The following STIM1 variants were observed in gnomAD, a reference collection of about 807,000 sequenced individuals.
The protein encoded by STIM1 is stromal interaction molecule 1.
A neutral mutation model predicts 74.7 loss-of-function variants in STIM1; 25 were observed. The ratio of observed to expected loss-of-function variants is 0.33; its 90% CI spans 0.24 to 0.47. The LOEUF (loss-of-function observed/expected upper bound fraction) is 0.47. STIM1 is among the 20% of genes least tolerant of loss of function. The pLI is 1.00. For synonymous variants in STIM1, 328 were observed against 348.8 expected (o/e 0.94, Z 0.66); for missense variants, 728 against 920.8 (o/e 0.79, Z 2.71).
In STIM1 at chr11:3,921,808, G is replaced by C. The variant is rs1169931510; in HGVS notation, c.140-45744G>C. The stretch of plus-strand genomic sequence containing the variant: ...TGTCTCTTAAATTATTCACTCTGCG[G>C]AAGTCCCATCAATATATTGTGAGGA... On this transcript the variant is annotated intron_variant, in intron 1 of 12. Coordinates refer to ENST00000526596, the MANE Select transcript of STIM1 (RefSeq NM_001382567.1). 3 of 152,086 alleles carry C rather than the reference G, an allele frequency of 2.0e-5. No homozygotes were observed. In the East Asian group the frequency reaches 5.8e-4, roughly 29 times the overall value. The allele number at this position is 152,086 out of a possible 1,614,324, so 9.4% of individuals were successfully genotyped here.
At chr11:4,074,875 A>G (rs1365500683) in intron 7 of STIM1, among the ~76,000 whole-genome samples, 196 bp downstream of exon 7, 1 of 152,258 alleles carries the variant, frequency 6.6e-6, no homozygotes, top group African/African-American at 2.4e-5. Flanking sequence ...ACAGTGGTTC[A>G]TGCCTGTAAT....
rs1157096857 is a variant in STIM1, at chr11:4,018,458, C to CAAAAAAA, written c.271-5393_271-5387dup. The stretch of plus-strand genomic sequence containing the variant: ...TGGGCGACAGAGCGAGACTCCGTCT[C>CAAAAAAA]AAAAAAAAAAAAAAAAAAAAAAAAA... On this transcript the variant is annotated intron_variant, in intron 2 of 12. Coordinates refer to ENST00000526596, the MANE Select transcript of STIM1 (RefSeq NM_001382567.1). 3.4e-4 allele frequency among the ~76,000 whole-genome samples: 7 copies of CAAAAAAA among 20,548 alleles called. 1 individual carries two copies. Among genetic ancestry groups the CAAAAAAA allele is most frequent in the Admixed American group, 9.4e-4 (1 of 1,066 alleles). The allele number at this position is 20,548 out of a possible 152,430, so 13.5% of individuals were successfully genotyped here. A position where few individuals can be genotyped will look rare whatever the true frequency, so the allele number is the denominator to read the frequency against.
chr11:4,077,551 T>G (rs2094443903), intron 7 of STIM1, among the ~76,000 whole-genome samples: 1 of 152,180 alleles, frequency 6.6e-6, no homozygotes, highest in Admixed American at 6.5e-5. Context: ...TTGACACATA[T>G]AGAACACTTT....
At chr11:4,032,464 C>A (rs980865314) in intron 3 of STIM1, among the ~76,000 whole-genome samples, 2 of 152,180 alleles carry the variant, frequency 1.3e-5, no homozygotes, top group African/African-American at 2.4e-5. Context: ...TTCTTTCAAT[C>A]AGGTAGTGTT....
intron 2 of STIM1, among the ~76,000 whole-genome samples, chr11:3,984,663 A>G (rs954104252): frequency 6.6e-6 from 1 of 152,240 alleles, no homozygotes; most frequent in Non-Finnish European, 1.5e-5. Context: ...AGAATAAACT[A>G]TTTGGACTTT....
At chr11:3,869,231 A>G (rs969369658) in intron 1 of STIM1, among the ~76,000 whole-genome samples, 3 of 152,204 alleles carry the variant, frequency 2.0e-5, no homozygotes, top group African/African-American at 7.2e-5. Context: ...CACTTCCCAA[A>G]GTGCTAGGTT....
At chr11:4,089,529 A>G (rs1034654884) in intron 12 of STIM1, among the ~76,000 whole-genome samples, 1 of 152,266 alleles carries the variant, frequency 6.6e-6, no homozygotes. Flanking sequence ...TGTCAGATAT[A>G]TGAAACCAAA....
At chr11:4,086,429 C>T (rs2094493369) in intron 11 of STIM1, 48 bp from the exon 12 acceptor site, 2 of 1,606,232 alleles carry the variant, frequency 1.2e-6, no homozygotes, top group Non-Finnish European at 1.7e-6. Flanking sequence ...TACCTGCCAG[C>T]CCAAAGTGGG....
intron 1 of STIM1, among the ~76,000 whole-genome samples, chr11:3,911,920 G>A (rs1332268418): frequency 6.6e-6 from 1 of 152,130 alleles, no homozygotes; most frequent in African/African-American, 2.4e-5. Context: ...TGTTGTTGTT[G>A]TTGTTTTCTA....
chr11:3,917,044 A>G (rs1021791493), intron 1 of STIM1, among the ~76,000 whole-genome samples: 4 of 152,216 alleles, frequency 2.6e-5, no homozygotes, highest in African/African-American at 9.6e-5. Context: ...TGATAGGTTT[A>G]GGGGCAACTT....
intron 6 of STIM1, among the ~76,000 whole-genome samples, chr11:4,071,074 T>C (rs2094400498): frequency 6.6e-6 from 1 of 152,154 alleles, no homozygotes; most frequent in African/African-American, 2.4e-5. Context: ...CCTTTAAAGA[T>C]GGGTAGCGAG....
chr11:3,915,532 G>T (rs2092630820), intron 1 of STIM1, among the ~76,000 whole-genome samples: 1 of 151,570 alleles, frequency 6.6e-6, no homozygotes, highest in Non-Finnish European at 1.5e-5. Context: ...CGAGTAGCTG[G>T]GACTACAGGC....
intron 2 of STIM1, among the ~76,000 whole-genome samples, chr11:4,000,058 G>C (rs527526688): frequency 6.6e-6 from 1 of 151,780 alleles, no homozygotes; most frequent in Non-Finnish European, 1.5e-5. Flanking sequence ...GCCCAGGCTC[G>C]CTTAGGTAAA....
chr11:4,063,624 C>A (rs536318004), intron 5 of STIM1, among the ~76,000 whole-genome samples: 24 of 152,308 alleles, frequency 1.6e-4, no homozygotes, highest in Non-Finnish European at 1.3e-4. Flanking sequence ...AGCTTTATTG[C>A]AGTGGCCTCA....
intron 1 of STIM1, among the ~76,000 whole-genome samples, chr11:3,950,813 A>G (rs2093137607): frequency 6.6e-6 from 1 of 151,976 alleles, no homozygotes; most frequent in Admixed American, 6.6e-5. Context: ...TTTATTTTGT[A>G]GAGACAGGAT....
At chr11:4,077,752 C>T (rs1218397284) in intron 7 of STIM1, among the ~76,000 whole-genome samples, 1 of 152,022 alleles carries the variant, frequency 6.6e-6, no homozygotes, top group African/African-American at 2.4e-5. Context: ...TTCTATTGAT[C>T]TATCTTTTAA....
intron 1 of STIM1, among the ~76,000 whole-genome samples, chr11:3,963,177 C>A (rs1440674884): frequency 6.6e-6 from 1 of 152,188 alleles, no homozygotes; most frequent in Non-Finnish European, 1.5e-5. Context: ...CAGATTATTT[C>A]ATCACCCAGG....
At chr11:4,053,854 C>T (rs958608931) in intron 3 of STIM1, among the ~76,000 whole-genome samples, 10 of 152,232 alleles carry the variant, frequency 6.6e-5, no homozygotes, top group African/African-American at 1.7e-4. Flanking sequence ...AGCAATCTCC[C>T]GCCTTAGCCT....
intron 1 of STIM1, among the ~76,000 whole-genome samples, chr11:3,941,389 TG>T (rs1409897078): frequency 6.6e-6 from 1 of 152,046 alleles, no homozygotes; most frequent in African/African-American, 2.4e-5. Flanking sequence ...GAGTTGGCAA[TG>T]GGCTCTTGAG....
Sources: allele counts gnomAD v4.1 joint callset (sites outside exome capture counted in the v4.1 genomes callset), GRCh38; gene constraint gnomAD v4.1.1; transcripts MANE v1.5; gene names NCBI Gene and HGNC (gene_info 2026-07-23, HGNC 2026-07-21).